Variants in SLC25A21 observed in about 807,000 individuals in gnomAD.
The protein encoded by SLC25A21 is solute carrier family 25 member 21, also known as mitochondrial 2-oxodicarboxylate carrier.
SLC25A21 carries 47 observed loss-of-function variants against 43.8 expected under a neutral mutation model. The ratio of observed to expected loss-of-function variants is 1.07; its 90% CI spans 0.85 to 1.37. SLC25A21 has a LOEUF of 1.37. Ranked by LOEUF, SLC25A21 falls within the 40% of genes most tolerant of loss-of-function variation. The pLI is 0.00. For synonymous variants in SLC25A21, 131 were observed against 121.3 expected (o/e 1.08, Z -0.52); for missense variants, 352 against 350.2 (o/e 1.00, Z -0.04).
intron 3 of SLC25A21, among the ~76,000 whole-genome samples, chr14:36,743,778 A>T (rs2064547): frequency 0.57 from 86,561 of 151,986 alleles, 26,007 homozygotes; most frequent in African/African-American, 0.77. Flanking sequence ...TCACTGATAA[A>T]GTGATTTTAT....
intron 3 of SLC25A21, among the ~76,000 whole-genome samples, chr14:36,800,502 G>A (rs1455787275): frequency 6.6e-6 from 1 of 152,150 alleles, no homozygotes; most frequent in Non-Finnish European, 1.5e-5. Flanking sequence ...AATATTGTAT[G>A]ATTCCACTTA....
chr14:37,160,021 T>A (rs1327760044), intron 1 of SLC25A21, among the ~76,000 whole-genome samples: 1 of 152,176 alleles, frequency 6.6e-6, no homozygotes, highest in African/African-American at 2.4e-5. Flanking sequence ...TGAGATATCA[T>A]CTCTACCCAG....
rs181831942 is a variant in SLC25A21, at chr14:37,065,785, T to A, written c.70+106496A>T. On this transcript the variant is annotated intron_variant, in intron 1 of 9. Transcript: ENST00000331299. ...ACATATATGGTAAAACAATTATGCATACTATATTTAAAGATAGAAATAAAA... is the reference window on the plus strand; with the variant it reads ...ACATATATGGTAAAACAATTATGCAAACTATATTTAAAGATAGAAATAAAA... 2.3e-3 allele frequency among the ~76,000 whole-genome samples: 348 copies of A among 152,320 alleles called. 2 individuals are homozygous for A. The highest frequency in any genetic ancestry group is 5.9e-4 in the Non-Finnish European group (40 of 68,028).
intron 3 of SLC25A21, among the ~76,000 whole-genome samples, chr14:36,784,876 A>G (rs970560870): frequency 6.6e-6 from 1 of 152,204 alleles, no homozygotes; most frequent in East Asian, 1.9e-4. Context: ...TTACCATACT[A>G]TATATATTTG....
chr14:36,781,944 T>G (rs1031292356), intron 3 of SLC25A21, among the ~76,000 whole-genome samples: 9 of 152,204 alleles, frequency 5.9e-5, no homozygotes, highest in African/African-American at 2.2e-4. Context: ...ATGAAATCCT[T>G]TGGCTTTCAC....
At chr14:36,835,334 C>G (rs1448311292) in intron 2 of SLC25A21, among the ~76,000 whole-genome samples, 1 of 152,180 alleles carries the variant, frequency 6.6e-6, no homozygotes, top group Non-Finnish European at 1.5e-5. Context: ...CTCCCTCTCT[C>G]TGCCCACATT....
intron 1 of SLC25A21, among the ~76,000 whole-genome samples, chr14:36,973,464 C>G (rs912691265): frequency 7.2e-5 from 11 of 152,128 alleles, no homozygotes; most frequent in Non-Finnish European, 1.5e-4. Context: ...AAAGTTGCAG[C>G]TAGGATGACT....
chr14:36,977,360 C>T (rs989311554), intron 1 of SLC25A21, among the ~76,000 whole-genome samples: 3 of 152,012 alleles, frequency 2.0e-5, no homozygotes, highest in Admixed American at 6.6e-5. Context: ...TTAGAAGGCC[C>T]CCCTGTACAT....
At chr14:37,154,643 ATT>A (rs35417690) in intron 1 of SLC25A21, among the ~76,000 whole-genome samples, 56,494 of 144,396 alleles carry the variant, frequency 0.39, 11,421 homozygotes, top group African/African-American at 0.54. Flanking sequence ...TAAAAGATAG[ATT>A]TTTTTTTTTT....
At chr14:36,914,573 AT>A (rs1891779106) in intron 1 of SLC25A21, among the ~76,000 whole-genome samples, 1 of 151,932 alleles carries the variant, frequency 6.6e-6, no homozygotes, top group African/African-American at 2.4e-5. Flanking sequence ...TGTTTTGTTT[AT>A]TTTTTCTTTG....
At chr14:36,807,922 C>T (rs1471783779) in intron 3 of SLC25A21, among the ~76,000 whole-genome samples, 1 of 152,118 alleles carries the variant, frequency 6.6e-6, no homozygotes, top group South Asian at 2.1e-4. Flanking sequence ...CTGGAGTTTA[C>T]CAAATTAGCC....
At chr14:37,112,226 G>A (rs1463563337) in intron 1 of SLC25A21, among the ~76,000 whole-genome samples, 1 of 152,090 alleles carries the variant, frequency 6.6e-6, no homozygotes, top group Non-Finnish European at 1.5e-5. Context: ...ATAGTTAACA[G>A]GCCCCCTTGC....
intron 1 of SLC25A21, among the ~76,000 whole-genome samples, chr14:36,957,488 G>A (rs1959371304): frequency 6.6e-6 from 1 of 152,196 alleles, no homozygotes; most frequent in South Asian, 2.1e-4. Context: ...AGTGGGTTGG[G>A]AGTAGGACGG....
At chr14:36,830,648 T>C (rs1889005465) in intron 2 of SLC25A21, among the ~76,000 whole-genome samples, 1 of 152,196 alleles carries the variant, frequency 6.6e-6, no homozygotes, top group Non-Finnish European at 1.5e-5. Flanking sequence ...GCATGTTGTA[T>C]GTAAACTGTC....
intron 1 of SLC25A21, among the ~76,000 whole-genome samples, chr14:36,929,971 C>T (rs1892243769): frequency 6.6e-6 from 1 of 152,120 alleles, no homozygotes. Flanking sequence ...AGCCAATCAG[C>T]ATATAAGAAG....
chr14:36,813,984 C>T lies in SLC25A21; in HGVS notation c.137G>A (p.Cys46Tyr). The T allele has an allele frequency of 6.2e-7, 1 of 1,606,480 alleles. No homozygotes were observed. Among genetic ancestry groups the T allele is most frequent in the South Asian group, 1.1e-5 (1 of 88,600 alleles). Residue 46 changes from cysteine (C) to tyrosine (Y), a missense_variant, in exon 3 of 10, where the codon TGT (cysteine) becomes TAT (tyrosine). Physicochemically the swap from Cys to Tyr is radical, Grantham distance 194 (BLOSUM62 -2). Coordinates refer to ENST00000331299, the MANE Select transcript of SLC25A21 (RefSeq NM_030631.4). ...TTTATAACTGTTTGGATCGGTTGCA[C>T]ATCTCTGAATCTGAAACCTAGAAGC... is the stretch of plus-strand genomic sequence containing the variant. ...VVKTRFQIQR[C>Y]ATDPNSYKSL...
chr14:36,970,338 C>T (rs889636672), intron 1 of SLC25A21, among the ~76,000 whole-genome samples: 12 of 151,998 alleles, frequency 7.9e-5, no homozygotes, highest in African/African-American at 2.4e-4. Flanking sequence ...CTGATGGAAT[C>T]GTGAATGAAT....
At chr14:36,980,106 A>G (rs1237257462) in intron 1 of SLC25A21, among the ~76,000 whole-genome samples, 2 of 152,230 alleles carry the variant, frequency 1.3e-5, no homozygotes, top group Admixed American at 6.5e-5. Flanking sequence ...GGTGTACACA[A>G]TGACAGTTAA....
At position 36,725,605 on chromosome 14, in the gene SLC25A21, C is replaced by T. The variant is rs1884569285; in HGVS notation, c.403G>A (p.Val135Ile). 1.9e-6 allele frequency: 3 copies of T among 1,594,230 alleles called. No homozygotes were observed. Among genetic ancestry groups the T allele is most frequent in the East Asian group, 4.6e-5 (2 of 43,456 alleles). ...GTGTTCCGATTTGCTTGCAAGCCAA[C>T]TTTTACTACCTCAAAAGGGTTAACT... is the stretch of plus-strand genomic sequence containing the variant. Reference protein sequence around the residue: ...IVVNPFEVVKVGLQANRNTFA... With the variant: ...IVVNPFEVVKIGLQANRNTFA... The change falls in exon 6 of 10, where the codon GTT becomes ATT. Residue 135 changes from valine to isoleucine, a missense_variant. Transcript: ENST00000331299.
Sources: gnomAD v4.1 joint callset for allele counts (sites outside exome capture counted in the v4.1 genomes callset) on GRCh38, gnomAD v4.1.1 for gene constraint, MANE v1.5 for transcripts, NCBI Gene and HGNC (gene_info 2026-07-23, HGNC 2026-07-21) for gene names.